The following THSD7B variants were observed in gnomAD, a reference collection of about 807,000 sequenced individuals.
THSD7B encodes thrombospondin type-1 domain-containing protein 7B.
Under a neutral mutation model 213.6 loss-of-function variants are expected in THSD7B, and 138 were observed. The ratio of observed to expected loss-of-function variants is 0.65; its 90% CI spans 0.56 to 0.74. THSD7B has a LOEUF of 0.74. Ranked by LOEUF, THSD7B falls within the 30% of genes least tolerant of loss-of-function variation. The pLI is 0.00. For synonymous variants in THSD7B, 742 were observed against 687.0 expected (o/e 1.08, Z -1.25); for missense variants, 1,931 against 1,991.5 (o/e 0.97, Z 0.58).
chr2:137,671,777 A>G (rs968214521), intron 27 of THSD7B, among the ~76,000 whole-genome samples: 4 of 152,190 alleles, frequency 2.6e-5, no homozygotes, highest in Admixed American at 1.3e-4. Flanking sequence ...TAACCGTATC[A>G]GGCACTTAGG....
intron 9 of THSD7B, 85 bp downstream of exon 9, chr2:137,233,218 A>G: frequency 1.1e-5 from 14 of 1,275,534 alleles, no homozygotes; most frequent in Middle Eastern, 2.2e-4. Context: ...AGCAATAGAT[A>G]TTTCTGGGTC....
At position 137,125,229 on chromosome 2, in the gene THSD7B, C is replaced by T. The variant is rs572401920; in HGVS notation, c.1369+9936C>T. On this transcript the variant is annotated intron_variant, in intron 5 of 27. Coordinates refer to ENST00000409968, the MANE Select transcript of THSD7B (RefSeq NM_001316349.2). Reference sequence around the variant, plus strand: ...CCTTATACGACAGATTTCTCTGTAGCATGAGAGGTTGTTTGATAGCATTTT... The same window carrying T: ...CCTTATACGACAGATTTCTCTGTAGTATGAGAGGTTGTTTGATAGCATTTT... 7.7e-4 allele frequency among the ~76,000 whole-genome samples: 118 copies of T among 152,322 alleles called. 2 individuals are homozygous for T. Among genetic ancestry groups the T allele is most frequent in the Non-Finnish European group, 1.1e-3 (77 of 68,028 alleles).
intron 7 of THSD7B, among the ~76,000 whole-genome samples, chr2:137,186,979 C>T (rs749865238): frequency 4.6e-5 from 7 of 151,588 alleles, no homozygotes; most frequent in Non-Finnish European, 8.8e-5. Context: ...ATTGTAAATG[C>T]AATTCCACTT....
intron 14 of THSD7B, among the ~76,000 whole-genome samples, chr2:137,448,661 C>CAT (rs1558800303): frequency 6.6e-6 from 1 of 151,956 alleles, no homozygotes; most frequent in East Asian, 1.9e-4. Context: ...TAGCCGGGAG[C>CAT]GGTGGCGGGC....
chr2:137,292,503 A>G (rs1292488269), intron 12 of THSD7B, among the ~76,000 whole-genome samples: 1 of 152,158 alleles, frequency 6.6e-6, no homozygotes, highest in Admixed American at 6.5e-5. Flanking sequence ...CATGTATGGC[A>G]TAATTATATT....
chr2:136,935,319 G>C (rs993156744), intron 2 of THSD7B, among the ~76,000 whole-genome samples: 1 of 152,112 alleles, frequency 6.6e-6, no homozygotes, highest in Non-Finnish European at 1.5e-5. Flanking sequence ...ACTTTTCTGA[G>C]CCTCAGTTTT....
chr2:137,129,014 T>C (rs1417490551), intron 5 of THSD7B, among the ~76,000 whole-genome samples: 1 of 152,184 alleles, frequency 6.6e-6, no homozygotes, highest in Non-Finnish European at 1.5e-5. Context: ...GATTTTTGTT[T>C]CCTGGTTGGT....
At chr2:137,019,155 C>T (rs936301523) in intron 2 of THSD7B, among the ~76,000 whole-genome samples, 4 of 152,172 alleles carry the variant, frequency 2.6e-5, no homozygotes, top group African/African-American at 9.7e-5. Flanking sequence ...CATGTGACAT[C>T]TCCACGAGGG....
At chr2:136,847,612 A>G (rs1479181624) in intron 1 of THSD7B, among the ~76,000 whole-genome samples, 10 of 152,132 alleles carry the variant, frequency 6.6e-5, no homozygotes. Flanking sequence ...ACCTTGGATA[A>G]GAGTTGTATG....
At chr2:137,172,274 T>C (rs1210277826) in intron 7 of THSD7B, among the ~76,000 whole-genome samples, 1 of 152,172 alleles carries the variant, frequency 6.6e-6, no homozygotes, top group African/African-American at 2.4e-5. Flanking sequence ...GTGCAAGGCC[T>C]GCCTTATTCT....
intron 14 of THSD7B, among the ~76,000 whole-genome samples, chr2:137,427,667 G>T (rs1362064494): frequency 6.6e-6 from 1 of 152,114 alleles, no homozygotes; most frequent in Non-Finnish European, 1.5e-5. Flanking sequence ...GAGTAGACTG[G>T]TGGTTACCAA....
At chr2:137,278,753 A>C (rs78882071) in intron 12 of THSD7B, among the ~76,000 whole-genome samples, 73 of 152,126 alleles carry the variant, frequency 4.8e-4, no homozygotes, top group African/African-American at 1.7e-3. Context: ...AGAATAGAGG[A>C]CCTGTCAGGT....
chr2:136,838,387 G>A (rs905689637), intron 1 of THSD7B, among the ~76,000 whole-genome samples: 4 of 152,122 alleles, frequency 2.6e-5, no homozygotes, highest in Non-Finnish European at 5.9e-5. Flanking sequence ...ATTTAAATAT[G>A]TAGTAAGGTC....
At chr2:137,583,115 T>A (rs544252674) in intron 17 of THSD7B, among the ~76,000 whole-genome samples, 33 of 152,364 alleles carry the variant, frequency 2.2e-4, no homozygotes, top group African/African-American at 7.0e-4. Flanking sequence ...TTTTCATGTG[T>A]CTGTTGGCTG....
intron 15 of THSD7B, among the ~76,000 whole-genome samples, chr2:137,545,369 G>A (rs113327005): frequency 4.8e-4 from 73 of 151,786 alleles, no homozygotes; most frequent in Middle Eastern, 3.4e-3. Context: ...AATCAATGGC[G>A]GAACCTGAAG....
At chr2:137,169,795 TG>T (rs1205586887) in intron 6 of THSD7B, among the ~76,000 whole-genome samples, 2 of 152,198 alleles carry the variant, frequency 1.3e-5, no homozygotes, top group Non-Finnish European at 2.9e-5. Flanking sequence ...GGGTTCAATC[TG>T]GTTCTCAGTC....
intron 10 of THSD7B, among the ~76,000 whole-genome samples, chr2:137,257,768 C>T (rs1682342031): frequency 6.6e-6 from 1 of 152,104 alleles, no homozygotes; most frequent in African/African-American, 2.4e-5. Flanking sequence ...TATTGGATTG[C>T]ATTTCTTCAG....
At chr2:137,193,175 G>T (rs921302433) in intron 7 of THSD7B, among the ~76,000 whole-genome samples, 1 of 152,084 alleles carries the variant, frequency 6.6e-6, no homozygotes, top group Admixed American at 6.5e-5. Context: ...ACCCTGCCAC[G>T]CCAGGGGTTA....
At chr2:136,970,009 A>AT (rs1234871798) in intron 2 of THSD7B, among the ~76,000 whole-genome samples, 2 of 152,210 alleles carry the variant, frequency 1.3e-5, no homozygotes, top group Non-Finnish European at 2.9e-5. Flanking sequence ...AAAAGAAAAT[A>AT]TTTTTTAAAA....
Sources: gnomAD v4.1 joint callset for allele counts (sites outside exome capture counted in the v4.1 genomes callset) on GRCh38, gnomAD v4.1.1 for gene constraint, MANE v1.5 for transcripts, NCBI Gene and HGNC (gene_info 2026-07-23, HGNC 2026-07-21) for gene names.